The following TNFRSF19 variants were observed in gnomAD, a reference collection of about 807,000 sequenced individuals.
TNFRSF19 encodes the protein tumor necrosis factor receptor superfamily member 19.
A neutral mutation model predicts 46.4 loss-of-function variants in TNFRSF19; 27 were observed. The observed-to-expected ratio is 0.58, with a 90% CI of 0.43 to 0.80. The LOEUF (loss-of-function observed/expected upper bound fraction) is 0.80. TNFRSF19 is among the 30% of genes least tolerant of loss of function. TNFRSF19 has a pLI of 0.00. For synonymous variants in TNFRSF19, 204 were observed against 205.0 expected (o/e 1.00, Z 0.04); for missense variants, 511 against 530.8 (o/e 0.96, Z 0.37).
intron 5 of TNFRSF19, among the ~76,000 whole-genome samples, chr13:23,651,893 T>TAAAAAAAAAAAAAAAAAAAA (rs34023907): frequency 5.0e-4 from 5 of 9,968 alleles, no homozygotes; most frequent in Non-Finnish European, 5.5e-4. Context: ...CATAACATGC[T>TAAAAAAAAAAAAAAAAAAAA]AAAAAAAAAA....
At chr13:23,664,758 G>C (rs1385810013) in intron 7 of TNFRSF19, among the ~76,000 whole-genome samples, 4 of 152,244 alleles carry the variant, frequency 2.6e-5, no homozygotes, top group Non-Finnish European at 4.4e-5. Flanking sequence ...CACAAAGCTA[G>C]ATGGGATAGC....
At chr13:23,626,847 T>C (rs1418788840) in intron 5 of TNFRSF19, 55 bp downstream of exon 5, 2 of 1,574,920 alleles carry the variant, frequency 1.3e-6, no homozygotes, top group Non-Finnish European at 1.7e-6. Flanking sequence ...TTTGAAAAAG[T>C]TTAAATTTGT....
At chr13:23,582,400 CA>C (rs956698733) in intron 1 of TNFRSF19, among the ~76,000 whole-genome samples, 99 of 142,372 alleles carry the variant, frequency 7.0e-4, no homozygotes, top group Non-Finnish European at 7.8e-4. Context: ...GACTCCGTCT[CA>C]AAAAAAAAAA....
intron 1 of TNFRSF19, among the ~76,000 whole-genome samples, chr13:23,581,127 C>CTTTTT (rs1226042943): frequency 1.6e-5 from 2 of 123,244 alleles, no homozygotes; most frequent in African/African-American, 5.9e-5. Flanking sequence ...TTCTTTTTTT[C>CTTTTT]TTTTCTTTTT....
At chr13:23,645,208 T>C (rs1883260684) in intron 5 of TNFRSF19, among the ~76,000 whole-genome samples, 1 of 152,214 alleles carries the variant, frequency 6.6e-6, no homozygotes, top group Non-Finnish European at 1.5e-5. Flanking sequence ...TGATGTAGCC[T>C]ACCTTTATTT....
intron 9 of TNFRSF19, among the ~76,000 whole-genome samples, chr13:23,671,999 G>C (rs1951768962): frequency 6.6e-6 from 1 of 152,188 alleles, no homozygotes; most frequent in Non-Finnish European, 1.5e-5. Context: ...CATAGCTCAG[G>C]AAAACAACAT....
chr13:23,670,505 T>G (rs923050749), intron 9 of TNFRSF19, among the ~76,000 whole-genome samples: 1 of 152,204 alleles, frequency 6.6e-6, no homozygotes, highest in East Asian at 1.9e-4. Context: ...AGTATCTACC[T>G]CTGAGCTCTG....
rs1951794162 is a variant in TNFRSF19 at position 23,674,075 on chromosome 13, A to G, written c.*695A>G. On this transcript the variant is annotated 3_prime_UTR_variant, in exon 10 of 10. Coordinates refer to ENST00000248484, the MANE Select transcript of TNFRSF19 (RefSeq NM_148957.4). ...CATGAACACCCGCTGATCTCAGGAG[A>G]ACACCTGGGCTAGGGAATGTGGTCG... 1 of 152,138 alleles carries G rather than the reference A, an allele frequency of 6.6e-6. No individual in the cohort carries two copies. The highest frequency in any genetic ancestry group is 2.4e-5 in the African/African-American group (1 of 41,438). 9.4% of individuals were successfully genotyped at this position (152,138 alleles called of 1,614,324 possible).
chr13:23,580,547 A>G lies in TNFRSF19; in HGVS notation c.-34-9603A>G, dbSNP rs558314710. ...CATTGCGTTACTTCAGGATTTACTC[A>G]GTACCTTTTCTGTGGTGCAGTTTCA... On this transcript the variant is annotated intron_variant, in intron 1 of 9. Transcript: ENST00000248484. Among the ~76,000 whole-genome samples, 3 of 152,376 alleles carry G rather than the reference A, an allele frequency of 2.0e-5. No homozygotes were observed. The East Asian group carries it at 5.8e-4, about 29-fold the overall frequency.
chr13:23,574,081 AT>A (rs1212953703), intron 1 of TNFRSF19, among the ~76,000 whole-genome samples: 5 of 150,688 alleles, frequency 3.3e-5, no homozygotes, highest in Non-Finnish European at 5.9e-5. Context: ...AAAAAAAAAA[AT>A]CTATCTATCT....
chr13:23,644,284 ATAATCTCCACATGT>A (rs765850932), intron 5 of TNFRSF19, among the ~76,000 whole-genome samples: 37 of 152,320 alleles, frequency 2.4e-4, no homozygotes, highest in Admixed American at 5.9e-4. Flanking sequence ...CGTAGTTCCC[ATAATCTCCACATGT>A]TGTGGGAGGG....
intron 3 of TNFRSF19, among the ~76,000 whole-genome samples, chr13:23,594,682 G>A (rs1277386384): frequency 6.6e-6 from 1 of 152,254 alleles, no homozygotes; most frequent in Non-Finnish European, 1.5e-5. Flanking sequence ...GGCTGTGGGT[G>A]CAGCTTCAGC....
intron 8 of TNFRSF19, 38 bp from the exon 9 acceptor site, chr13:23,668,654 C>T (rs773178924): frequency 7.0e-6 from 11 of 1,563,956 alleles, no homozygotes; most frequent in South Asian, 1.2e-5. Context: ...GTTTTTCTCC[C>T]CATCAAAAAC....
chr13:23,667,120 G>GATATATATATATAT (rs746299138), intron 7 of TNFRSF19, among the ~76,000 whole-genome samples: 29 of 87,700 alleles, frequency 3.3e-4, no homozygotes, highest in South Asian at 2.1e-3. Flanking sequence ...AAATCAGAGT[G>GATATATATATATAT]ATATATATAT....
At chr13:23,626,600 T>A (rs1882027812) in intron 4 of TNFRSF19, 107 bp from the exon 5 acceptor site, 1 of 993,394 alleles carries the variant, frequency 1.0e-6, no homozygotes, top group Admixed American at 2.3e-5. Context: ...TAAGCCTCTG[T>A]GTACTTTTAA....
chr13:23,658,929 T>G, intron 5 of TNFRSF19, 121 bp from the exon 6 acceptor site: 1 of 1,295,980 alleles, frequency 7.7e-7, no homozygotes, highest in South Asian at 1.3e-5. Flanking sequence ...CATCTTTAAA[T>G]ATCTCATGCC....
chr13:23,669,784 T>A, intron 9 of TNFRSF19: 1 of 889,616 alleles, frequency 1.1e-6, no homozygotes, highest in Non-Finnish European at 1.3e-6. Context: ...ACGTCTCTGC[T>A]TTCTTCAGGT....
intron 1 of TNFRSF19, among the ~76,000 whole-genome samples, chr13:23,588,559 G>C (rs1879012149): frequency 6.6e-6 from 1 of 152,138 alleles, no homozygotes; most frequent in Admixed American, 6.5e-5. Flanking sequence ...TTGTGTAAAT[G>C]CTTTGGCATT....
intron 5 of TNFRSF19, among the ~76,000 whole-genome samples, chr13:23,652,769 C>T (rs1883727537): frequency 6.6e-6 from 1 of 152,214 alleles, no homozygotes; most frequent in Non-Finnish European, 1.5e-5. Context: ...ATTGATTGGA[C>T]AAGTCCCCAT....
Sources: allele counts gnomAD v4.1 joint callset (sites outside exome capture counted in the v4.1 genomes callset), GRCh38; gene constraint gnomAD v4.1.1; transcripts MANE v1.5; gene names NCBI Gene and HGNC (gene_info 2026-07-23, HGNC 2026-07-21).